The following SLC1A2 variants were observed in gnomAD, a reference collection of about 807,000 sequenced individuals.
The protein encoded by SLC1A2 is solute carrier family 1 member 2, also known as excitatory amino acid transporter 2.
A neutral mutation model predicts 48.8 loss-of-function variants in SLC1A2; 15 were observed. The observed-to-expected ratio is 0.31, with a 90% CI of 0.21 to 0.47. The LOEUF (loss-of-function observed/expected upper bound fraction) is 0.47, where lower values mean the gene tolerates loss of function less well. Among genes scored for constraint, SLC1A2 ranks in the 20% least tolerant of loss-of-function variants. The pLI, the probability that SLC1A2 is intolerant of heterozygous loss-of-function variation, is 0.99. For synonymous variants in SLC1A2, 279 were observed against 272.6 expected, an observed-to-expected ratio of 1.02 and a Z score of -0.23; for missense variants, 502 against 730.5, an observed-to-expected ratio of 0.69 and a Z score of 3.61.
At chr11:35,336,002 T>C (rs1400725059) in intron 1 of SLC1A2, among the ~76,000 whole-genome samples, 1 of 152,112 alleles carries the variant, frequency 6.6e-6, no homozygotes, top group Non-Finnish European at 1.5e-5. Context: ...AGGAATAAGA[T>C]CATCTCCTTC....
At chr11:35,362,757 A>T (rs981359083) in intron 1 of SLC1A2, among the ~76,000 whole-genome samples, 1 of 152,204 alleles carries the variant, frequency 6.6e-6, no homozygotes, top group Non-Finnish European at 1.5e-5. Context: ...GAGAGTCGCC[A>T]TGGGAATCCA....
intron 1 of SLC1A2, among the ~76,000 whole-genome samples, chr11:35,373,044 A>G (rs1854108610): frequency 6.6e-6 from 1 of 152,204 alleles, no homozygotes; most frequent in Non-Finnish European, 1.5e-5. Flanking sequence ...TCACAGCATG[A>G]TCAGAGATTC....
At chr11:35,288,005 G>C (rs115462941) in intron 7 of SLC1A2, among the ~76,000 whole-genome samples, 8 of 152,104 alleles carry the variant, frequency 5.3e-5, no homozygotes, top group Admixed American at 2.6e-4. Flanking sequence ...TACAGCTTTT[G>C]TCAAAGTTTC....
intron 2 of SLC1A2, chr11:35,315,390 C>A: frequency 2.3e-6 from 1 of 437,372 alleles, no homozygotes; most frequent in South Asian, 2.8e-5. Context: ...AAAGTCAGCA[C>A]CCAAAGAGTC....
At chr11:35,373,847 G>C (rs561649435) in intron 1 of SLC1A2, among the ~76,000 whole-genome samples, 1 of 152,332 alleles carries the variant, frequency 6.6e-6, no homozygotes, top group South Asian at 2.1e-4. Context: ...TATAGCTCAA[G>C]TTCAAAGTAT....
chr11:35,336,636 G>T (rs927213620), intron 1 of SLC1A2, among the ~76,000 whole-genome samples: 2 of 152,164 alleles, frequency 1.3e-5, no homozygotes, highest in Non-Finnish European at 2.9e-5. Flanking sequence ...CCACCAATGT[G>T]CCTAAAATGA....
At chr11:35,344,806 T>C (rs1469145982) in intron 1 of SLC1A2, among the ~76,000 whole-genome samples, 3 of 152,162 alleles carry the variant, frequency 2.0e-5, no homozygotes, top group African/African-American at 7.2e-5. Flanking sequence ...CTTCGAGCAA[T>C]AAAAAGCACA....
intron 1 of SLC1A2, among the ~76,000 whole-genome samples, chr11:35,373,690 T>G (rs1854132528): frequency 6.6e-6 from 1 of 152,148 alleles, no homozygotes; most frequent in Non-Finnish European, 1.5e-5. Flanking sequence ...GTAGGGCTAA[T>G]GCAGCATGGG....
chr11:35,395,671 C>CT (rs111353211), intron 1 of SLC1A2, among the ~76,000 whole-genome samples: 140 of 138,826 alleles, frequency 1.0e-3, no homozygotes, highest in African/African-American at 1.5e-3. Context: ...CTCCAAACTT[C>CT]TTTTTTTTTT....
At position 35,317,510 on chromosome 11, in the gene SLC1A2, G is replaced by T; in HGVS notation, c.24C>A (p.Asn8Lys). The change falls in exon 2 of 11, where the codon AAC (asparagine) becomes AAA (lysine). Residue 8 changes from asparagine to lysine, a missense_variant. Transcript: ENST00000278379. MASTEGA[N>K]NMPKQVEVRM... ...GCACTTCCACCTGCTTGGGCATATT[G>T]TTGGCACTGGAACAGAAGTGAAGGC... 1 of 1,613,442 alleles carries T rather than the reference G, an allele frequency of 6.2e-7. No individual in the cohort carries two copies. The highest frequency in any genetic ancestry group is 8.5e-7 in the Non-Finnish European group (1 of 1,179,926).
At position 35,337,992 on chromosome 11, in the gene SLC1A2, C is replaced by T. The variant is rs537346223; in HGVS notation, c.18-20476G>A. ...ATAATAACAATATAATAATAACTAG[C>T]ATTTCTTAAGTGCTTTGCATGTGCC... On this transcript the variant is annotated intron_variant, in intron 1 of 10. Transcript: ENST00000278379. Among the ~76,000 whole-genome samples the T allele has an allele frequency of 2.6e-5, 4 of 152,210 alleles. No homozygotes were observed. The South Asian group carries it at 8.3e-4, about 32-fold the overall frequency.
chr11:35,398,592 T>A (rs1399331931), intron 1 of SLC1A2, among the ~76,000 whole-genome samples: 5 of 152,182 alleles, frequency 3.3e-5, no homozygotes, highest in African/African-American at 1.2e-4. Context: ...TGAAATAACC[T>A]GTATACCAAA....
chr11:35,363,811 T>A (rs1427133958), intron 1 of SLC1A2, among the ~76,000 whole-genome samples: 1 of 152,050 alleles, frequency 6.6e-6, no homozygotes, highest in Non-Finnish European at 1.5e-5. Flanking sequence ...ACTCAATAGG[T>A]GTTTTGAACA....
rs746538145 is a variant in SLC1A2, at chr11:35,418,046, A to G, written c.17+904T>C. Among the ~76,000 whole-genome samples, 20 of 152,336 alleles carry G rather than the reference A, an allele frequency of 1.3e-4. No homozygotes were observed. The South Asian group carries it at 3.1e-3, about 24-fold the overall frequency. ...AATTAACCAAAGGGCTGAGCTGCCCAGTCTTTTCATTGCCACTCAGGTTCT... is the reference window on the plus strand; with the variant it reads ...AATTAACCAAAGGGCTGAGCTGCCCGGTCTTTTCATTGCCACTCAGGTTCT... On this transcript the variant is annotated intron_variant, in intron 1 of 10. Transcript: ENST00000278379.
intron 4 of SLC1A2, among the ~76,000 whole-genome samples, chr11:35,309,624 A>G (rs1282773516): frequency 1.3e-5 from 2 of 151,998 alleles, no homozygotes; most frequent in Non-Finnish European, 2.9e-5. Flanking sequence ...TCCTCTTTAC[A>G]TTTCTGTTTC....
chr11:35,328,016 GA>G (rs763547937), intron 1 of SLC1A2, among the ~76,000 whole-genome samples: 2 of 152,242 alleles, frequency 1.3e-5, no homozygotes, highest in Non-Finnish European at 2.9e-5. Context: ...AGCACATGGA[GA>G]GGGAAGATAG....
intron 1 of SLC1A2, among the ~76,000 whole-genome samples, chr11:35,413,111 C>A (rs1855514794): frequency 6.6e-6 from 1 of 152,158 alleles, no homozygotes; most frequent in African/African-American, 2.4e-5. Context: ...TTCAATCTCT[C>A]AATAACTTCC....
intron 4 of SLC1A2, among the ~76,000 whole-genome samples, chr11:35,311,143 G>A (rs913679196): frequency 6.6e-6 from 1 of 152,064 alleles, no homozygotes; most frequent in South Asian, 2.1e-4. Flanking sequence ...GAGTACCATT[G>A]GGTTAAATTC....
chr11:35,383,990 G>A (rs903043984), intron 1 of SLC1A2, among the ~76,000 whole-genome samples: 1 of 152,242 alleles, frequency 6.6e-6, no homozygotes. Flanking sequence ...CAGTTAACAA[G>A]ATAAAAGGGA....
Sources: gnomAD v4.1 joint callset for allele counts (sites outside exome capture counted in the v4.1 genomes callset) on GRCh38, gnomAD v4.1.1 for gene constraint, MANE v1.5 for transcripts, NCBI Gene and HGNC (gene_info 2026-07-23, HGNC 2026-07-21) for gene names.